The following STK32B variants were observed in gnomAD, a reference collection of about 807,000 sequenced individuals.
The protein encoded by STK32B is serine/threonine-protein kinase 32B.
Under a neutral mutation model 52.6 loss-of-function variants are expected in STK32B, and 43 were observed. The observed-to-expected ratio is 0.82, with a 90% CI of 0.64 to 1.05. The LOEUF is 1.05. Among genes scored for constraint, STK32B ranks in the 50% least tolerant of loss-of-function variants. The probability of loss-of-function intolerance (pLI) is 0.00; values close to 1 mark genes in which losing one functional copy is unlikely to be tolerated. For synonymous variants in STK32B, 238 were observed against 204.3 expected (o/e 1.17, Z -1.41); for missense variants, 621 against 534.6 (o/e 1.16, Z -1.59).
chr4:5,336,013 C>G (rs959891075), intron 4 of STK32B, among the ~76,000 whole-genome samples: 5 of 151,130 alleles, frequency 3.3e-5, no homozygotes, highest in Non-Finnish European at 2.9e-5. Flanking sequence ...CTTCCTTACC[C>G]GAAAGGAAGA....
At chr4:5,288,992 G>A (rs557981325) in intron 3 of STK32B, among the ~76,000 whole-genome samples, 2 of 152,158 alleles carry the variant, frequency 1.3e-5, no homozygotes, top group Non-Finnish European at 2.9e-5. Flanking sequence ...AGCACCATTT[G>A]TTGAAAAAAC....
intron 4 of STK32B, among the ~76,000 whole-genome samples, chr4:5,365,363 T>G (rs188981606): frequency 1.1e-3 from 163 of 152,328 alleles, no homozygotes; most frequent in African/African-American, 3.8e-3. Context: ...CACTCTTCAC[T>G]GTGTCACACA....
At chr4:5,171,260 C>G in intron 3 of STK32B, among the ~76,000 whole-genome samples, 1 of 152,030 alleles carries the variant, frequency 6.6e-6, no homozygotes, top group Non-Finnish European at 1.5e-5. Context: ...TGTAGGTTGC[C>G]TGTTCACTCT....
intron 3 of STK32B, among the ~76,000 whole-genome samples, chr4:5,176,266 C>A: frequency 2.0e-5 from 3 of 152,238 alleles, no homozygotes; most frequent in South Asian, 4.2e-4. Context: ...GGCGATGCCT[C>A]GCCCTGCTTT....
intron 1 of STK32B, among the ~76,000 whole-genome samples, chr4:5,092,658 C>T (rs531469639): frequency 2.2e-4 from 33 of 152,122 alleles, no homozygotes; most frequent in Non-Finnish European, 1.2e-4. Context: ...CTGAGGAGTC[C>T]GTCTCATCTG....
At chr4:5,312,786 C>G (rs963235805) in intron 3 of STK32B, among the ~76,000 whole-genome samples, 8 of 151,824 alleles carry the variant, frequency 5.3e-5, no homozygotes, top group Non-Finnish European at 1.2e-4. Flanking sequence ...ATTTATAGTC[C>G]TTTGGGTATA....
rs561209377 is a variant in STK32B, at chr4:5,288,060, C to G, written c.261-43160C>G. ...CATTCATCATAATGTTTTCAAGATT[C>G]ACCCATGTTATAGCATGTATCAGTA... On this transcript the variant is annotated intron_variant, in intron 3 of 11. Coordinates refer to ENST00000282908, the MANE Select transcript of STK32B (RefSeq NM_018401.3). Among the ~76,000 whole-genome samples the G allele has an allele frequency of 2.0e-5, 3 of 152,288 alleles. No individual in the cohort carries two copies. In the South Asian group the frequency reaches 6.2e-4, roughly 32 times the overall value.
intron 6 of STK32B, among the ~76,000 whole-genome samples, chr4:5,442,247 T>C (rs1163470934): frequency 2.7e-5 from 4 of 147,722 alleles, no homozygotes; most frequent in Non-Finnish European, 5.9e-5. Context: ...CTAAGTCTCT[T>C]TGTAGGTCAC....
chr4:5,131,237 C>T (rs1250029617), intron 1 of STK32B, among the ~76,000 whole-genome samples: 2 of 152,188 alleles, frequency 1.3e-5, no homozygotes, highest in African/African-American at 2.4e-5. Flanking sequence ...GCTTGCTCTG[C>T]CTCCCCCTTT....
intron 1 of STK32B, among the ~76,000 whole-genome samples, chr4:5,107,799 GT>G (rs546193319): frequency 1.8e-4 from 28 of 151,898 alleles, no homozygotes; most frequent in Non-Finnish European, 3.5e-4. Flanking sequence ...TATCCAATGA[GT>G]TTTTTTCTCT....
At chr4:5,364,090 AC>A (rs33993400) in intron 4 of STK32B, among the ~76,000 whole-genome samples, 4 of 149,482 alleles carry the variant, frequency 2.7e-5, no homozygotes, top group East Asian at 2.0e-4. Context: ...ACATTCACTG[AC>A]CCCCCCCACT....
chr4:5,422,665 AG>A (rs1246091808), intron 6 of STK32B, among the ~76,000 whole-genome samples: 3 of 152,206 alleles, frequency 2.0e-5, no homozygotes, highest in Non-Finnish European at 4.4e-5. Flanking sequence ...TAGGAGGTAC[AG>A]GGCTTAGTTA....
rs564935585 is a variant in STK32B at position 5,247,935 on chromosome 4, G to A, written c.260+79485G>A. 2.0e-5 allele frequency among the ~76,000 whole-genome samples: 3 copies of A among 152,136 alleles called. No homozygotes were observed. The East Asian group carries it at 5.8e-4, about 29-fold the overall frequency. ...CCAGGGCCTTGGCTCATCTCCTTGGGGTGATTAAAACACATGCCTCTTTTT... is the reference window on the plus strand; with the variant it reads ...CCAGGGCCTTGGCTCATCTCCTTGGAGTGATTAAAACACATGCCTCTTTTT... On this transcript the variant is annotated intron_variant, in intron 3 of 11. Transcript: ENST00000282908.
chr4:5,397,264 G>A (rs10026844), intron 4 of STK32B, among the ~76,000 whole-genome samples: 1,749 of 152,276 alleles, frequency 0.011, 21 homozygotes, highest in South Asian at 0.057. Flanking sequence ...GCAGAGCTTC[G>A]CCAAGTGTGT....
chr4:5,406,094 C>T (rs1737644416), intron 5 of STK32B, among the ~76,000 whole-genome samples: 2 of 152,200 alleles, frequency 1.3e-5, no homozygotes, highest in Admixed American at 6.5e-5. Flanking sequence ...GTAAATACAA[C>T]TGTTCCAAAA....
At chr4:5,465,747 C>T (rs1717378946) in intron 9 of STK32B, among the ~76,000 whole-genome samples, 1 of 152,142 alleles carries the variant, frequency 6.6e-6, no homozygotes, top group South Asian at 2.1e-4. Context: ...GACACAGGGC[C>T]CAGTGGCAAG....
intron 3 of STK32B, among the ~76,000 whole-genome samples, chr4:5,317,406 T>C (rs1263831315): frequency 2.5e-5 from 2 of 79,874 alleles, no homozygotes; most frequent in East Asian, 3.5e-4. Context: ...ATATATAATG[T>C]ATATGTATTA....
At chr4:5,228,251 T>C (rs970007133) in intron 3 of STK32B, among the ~76,000 whole-genome samples, 7 of 152,222 alleles carry the variant, frequency 4.6e-5, no homozygotes, top group Non-Finnish European at 7.3e-5. Flanking sequence ...CTTGTCCATT[T>C]GTAAGACAAG....
intron 3 of STK32B, among the ~76,000 whole-genome samples, chr4:5,230,962 GA>G (rs1378395414): frequency 3.9e-5 from 6 of 152,170 alleles, no homozygotes; most frequent in South Asian, 2.1e-4. Context: ...AGAGTCTATG[GA>G]AAAGGATACG....
Sources: allele counts gnomAD v4.1 joint callset (sites outside exome capture counted in the v4.1 genomes callset), GRCh38; gene constraint gnomAD v4.1.1; transcripts MANE v1.5; gene names NCBI Gene and HGNC (gene_info 2026-07-23, HGNC 2026-07-21).